The following SPRED1 variants were observed in gnomAD, a reference collection of about 807,000 sequenced individuals.
SPRED1 encodes sprouty-related, EVH1 domain-containing protein 1.
A neutral mutation model predicts 52.3 loss-of-function variants in SPRED1; 18 were observed. That is an observed-to-expected ratio of 0.34 (90% CI 0.24 to 0.51). The LOEUF is 0.51. Ranked by LOEUF, SPRED1 falls within the 20% of genes least tolerant of loss-of-function variation. The pLI is 0.97. For synonymous variants in SPRED1, 155 were observed against 179.7 expected, an observed-to-expected ratio of 0.86 and a Z score of 1.10; for missense variants, 485 against 551.0, an observed-to-expected ratio of 0.88 and a Z score of 1.20.
At chr15:38,278,835 T>A (rs1024860774) in intron 1 of SPRED1, among the ~76,000 whole-genome samples, 3 of 148,758 alleles carry the variant, frequency 2.0e-5, no homozygotes, top group African/African-American at 7.4e-5. Flanking sequence ...ACTGTTTTTT[T>A]TTTTTTTTGT....
At chr15:38,289,888 G>T (rs1206656788) in intron 1 of SPRED1, among the ~76,000 whole-genome samples, 1 of 152,192 alleles carries the variant, frequency 6.6e-6, no homozygotes, top group Non-Finnish European at 1.5e-5. Flanking sequence ...TTGTGTTGTT[G>T]TAAGCCGCTA....
intron 1 of SPRED1, among the ~76,000 whole-genome samples, chr15:38,266,609 C>A (rs182315747): frequency 6.6e-6 from 1 of 152,100 alleles, no homozygotes; most frequent in African/African-American, 2.4e-5. Flanking sequence ...GCACTGTGCT[C>A]CAGCCTGGGC....
At chr15:38,308,404 T>G (rs964249175) in intron 2 of SPRED1, among the ~76,000 whole-genome samples, 26 of 152,214 alleles carry the variant, frequency 1.7e-4, no homozygotes. Flanking sequence ...TTTAAGTCTG[T>G]ACAGTTTTAT....
At position 38,253,239 on chromosome 15, in the gene SPRED1, A is replaced by T. The variant is rs761413917; in HGVS notation, c.32+22A>T. On this transcript the variant is annotated intron_variant, in intron 1 of 6. Transcript: ENST00000299084. ...ACGAGTAAGCGCCTCATTGATCTCG[A>T]TTGCTAATCCCCCTCCCCCTATCCG... The T allele has an allele frequency of 9.6e-6, 15 of 1,564,414 alleles. No homozygotes were observed. In the South Asian group the frequency reaches 1.6e-4, roughly 17 times the overall value.
In SPRED1 at chr15:38,299,489, A is replaced by T. The variant is rs1475256958; in HGVS notation, c.149A>T (p.Gln50Leu). The change falls in exon 2 of 7, where the codon CAG (glutamine) becomes CTG (leucine). Residue 50 changes from glutamine (Q) to leucine (L), a missense_variant. Transcript: ENST00000299084. ...GTCACTGTCTTCAAAGTCCCTCATC[A>T]GGAAGAGAATGGCTGTGCTGACTTT... ...SSVTVFKVPH[Q>L]EENGCADFFI... 4 of 1,613,954 alleles carry T rather than the reference A, an allele frequency of 2.5e-6. No individual in the cohort carries two copies. The highest frequency in any genetic ancestry group is 3.4e-6 in the Non-Finnish European group (4 of 1,179,950).
At chr15:38,324,922 C>A in intron 4 of SPRED1, 113 bp downstream of exon 4, 2 of 886,148 alleles carry the variant, frequency 2.3e-6, no homozygotes, top group Non-Finnish European at 3.6e-6. Context: ...CTCTATTTGT[C>A]AGATTTCTCC....
intron 2 of SPRED1, among the ~76,000 whole-genome samples, chr15:38,311,280 C>T (rs144377289): frequency 2.0e-5 from 3 of 152,180 alleles, no homozygotes; most frequent in Admixed American, 6.5e-5. Flanking sequence ...CCCACTTGGT[C>T]ATGGTGTATA....
chr15:38,351,727 G>T lies in SPRED1; in HGVS notation c.*63G>T, dbSNP rs1343759278. The T allele has an allele frequency of 6.3e-7, 1 of 1,585,838 alleles. No individual in the cohort carries two copies. Among genetic ancestry groups the T allele is most frequent in the African/African-American group, 1.3e-5 (1 of 74,606 alleles). On this transcript the variant is annotated 3_prime_UTR_variant, in exon 7 of 7. Transcript: ENST00000299084. ...TCCAGGAATTAGCTAACTTGGATTT[G>T]TGGAAGCTTTTGGCAAGCAATATGG... is the stretch of plus-strand genomic sequence containing the variant.
At chr15:38,329,541 C>T (rs1232238118) in intron 4 of SPRED1, among the ~76,000 whole-genome samples, 1 of 152,128 alleles carries the variant, frequency 6.6e-6, no homozygotes, top group Non-Finnish European at 1.5e-5. Context: ...TAAGTGCTGC[C>T]TTAACAGTTT....
At chr15:38,350,819 G>A (rs1440906238) in intron 6 of SPRED1, among the ~76,000 whole-genome samples, 195 bp from the exon 7 acceptor site, 1 of 152,058 alleles carries the variant, frequency 6.6e-6, no homozygotes, top group Non-Finnish European at 1.5e-5. Context: ...ATTTTATGAG[G>A]TCCGCCTATA....
At chr15:38,269,683 T>C (rs1410879465) in intron 1 of SPRED1, among the ~76,000 whole-genome samples, 2 of 152,212 alleles carry the variant, frequency 1.3e-5, no homozygotes, top group African/African-American at 2.4e-5. Context: ...TAGAATTCTT[T>C]GAGAATCTAA....
intron 1 of SPRED1, among the ~76,000 whole-genome samples, chr15:38,274,426 CAT>C (rs565143453): frequency 6.6e-6 from 1 of 152,154 alleles, no homozygotes. Context: ...TGCATTATCT[CAT>C]GTGATTCTCA....
intron 1 of SPRED1, among the ~76,000 whole-genome samples, chr15:38,291,870 A>G (rs928548976): frequency 7.9e-5 from 12 of 152,098 alleles, no homozygotes; most frequent in African/African-American, 2.9e-4. Flanking sequence ...TGGCCTGGAG[A>G]TGTTTTCTCC....
At chr15:38,283,871 T>C (rs1894748142) in intron 1 of SPRED1, among the ~76,000 whole-genome samples, 2 of 152,314 alleles carry the variant, frequency 1.3e-5, no homozygotes, top group South Asian at 4.2e-4. Flanking sequence ...AGAGCTGCCT[T>C]ACTATAGTGT....
At chr15:38,322,186 A>C (rs534638060) in intron 2 of SPRED1, 55 bp from the exon 3 acceptor site, 2 of 1,526,828 alleles carry the variant, frequency 1.3e-6, no homozygotes, top group South Asian at 1.1e-5. Context: ...TTTATGAGCT[A>C]CATTAGATGC....
chr15:38,287,247 G>A (rs1315314544), intron 1 of SPRED1, among the ~76,000 whole-genome samples: 1 of 152,066 alleles, frequency 6.6e-6, no homozygotes, highest in Non-Finnish European at 1.5e-5. Flanking sequence ...TGTCTATGTA[G>A]TTTTCTCATT....
At chr15:38,340,867 G>A (rs1404528050) in intron 5 of SPRED1, among the ~76,000 whole-genome samples, 1 of 152,048 alleles carries the variant, frequency 6.6e-6, no homozygotes, top group African/African-American at 2.4e-5. Context: ...TTGCTATCAG[G>A]GTATGCTGGC....
At chr15:38,270,704 C>T (rs1894414366) in intron 1 of SPRED1, among the ~76,000 whole-genome samples, 1 of 152,122 alleles carries the variant, frequency 6.6e-6, no homozygotes, top group Non-Finnish European at 1.5e-5. Context: ...CATACTCGAC[C>T]TGAGATTTCA....
At chr15:38,264,725 T>C (rs1769107381) in intron 1 of SPRED1, among the ~76,000 whole-genome samples, 1 of 151,972 alleles carries the variant, frequency 6.6e-6, no homozygotes, top group African/African-American at 2.4e-5. Context: ...CCCTCTGCAA[T>C]CAAGAGAGAC....
Sources: gnomAD v4.1 joint callset for allele counts (sites outside exome capture counted in the v4.1 genomes callset) on GRCh38, gnomAD v4.1.1 for gene constraint, MANE v1.5 for transcripts, NCBI Gene and HGNC (gene_info 2026-07-23, HGNC 2026-07-21) for gene names.